Variants in PDZRN3 observed in about 807,000 individuals in gnomAD.
The protein encoded by PDZRN3 is E3 ubiquitin-protein ligase PDZRN3.
A neutral mutation model predicts 85.7 loss-of-function variants in PDZRN3; 38 were observed. That is an observed-to-expected ratio of 0.44 (90% CI 0.34 to 0.58). The LOEUF (loss-of-function observed/expected upper bound fraction) is 0.58. Among genes scored for constraint, PDZRN3 ranks in the 20% least tolerant of loss-of-function variants. PDZRN3 has a pLI of 0.01. For missense variants in PDZRN3, 1,629 were observed against 1,506.4 expected (o/e 1.08, Z -1.35); for synonymous variants, 759 against 638.0 (o/e 1.19, Z -2.86).
At chr3:73,513,224 G>A (rs1292597337) in intron 3 of PDZRN3, among the ~76,000 whole-genome samples, 2 of 152,170 alleles carry the variant, frequency 1.3e-5, no homozygotes, top group Non-Finnish European at 2.9e-5. Context: ...AGATTGCTAC[G>A]AGTGAGCTGC....
intron 3 of PDZRN3, among the ~76,000 whole-genome samples, chr3:73,421,142 A>G (rs1182608096): frequency 6.6e-6 from 1 of 152,202 alleles, no homozygotes; most frequent in African/African-American, 2.4e-5. Flanking sequence ...AAGAACCCAT[A>G]GATATGAAGT....
chr3:73,517,383 T>C (rs1257530464), intron 3 of PDZRN3, among the ~76,000 whole-genome samples: 1 of 152,232 alleles, frequency 6.6e-6, no homozygotes, highest in Non-Finnish European at 1.5e-5. Flanking sequence ...GCTGGTCATG[T>C]TTCTATGTGA....
chr3:73,443,517 G>C lies in PDZRN3; in HGVS notation c.919-39122C>G, dbSNP rs551038258. ...TTTTTTTGGGGGGGGGACAGCGCTT[G>C]CTTTGTCGCCCAGGCTGGAGTTCAG... On this transcript the variant is annotated intron_variant, in intron 3 of 9. Coordinates refer to ENST00000263666, the MANE Select transcript of PDZRN3 (RefSeq NM_015009.3). 4.6e-5 allele frequency among the ~76,000 whole-genome samples: 6 copies of C among 130,934 alleles called. No homozygotes were observed. In the South Asian group the frequency reaches 7.1e-4, roughly 16 times the overall value. The allele number at this position is 130,934 out of a possible 152,430, so 85.9% of individuals were successfully genotyped here. A position where few individuals can be genotyped will look rare whatever the true frequency, so the allele number is the denominator to read the frequency against.
chr3:73,468,607 A>G (rs1703271194), intron 3 of PDZRN3, among the ~76,000 whole-genome samples: 1 of 152,150 alleles, frequency 6.6e-6, no homozygotes, highest in Non-Finnish European at 1.5e-5. Flanking sequence ...AAGATCTCTT[A>G]TACACAAAAG....
chr3:73,558,011 T>C (rs936144952), intron 3 of PDZRN3, among the ~76,000 whole-genome samples: 9 of 152,298 alleles, frequency 5.9e-5, no homozygotes, highest in African/African-American at 2.2e-4. Context: ...CATATTTTCC[T>C]GTATTTTCTA....
intron 3 of PDZRN3, chr3:73,433,728 A>C (rs1273425700): frequency 1.3e-6 from 2 of 1,535,900 alleles, no homozygotes; most frequent in Non-Finnish European, 1.7e-6. Flanking sequence ...ACGTCAAAGG[A>C]AGGCTTCCGT....
chr3:73,467,051 C>T (rs570493511), intron 3 of PDZRN3, among the ~76,000 whole-genome samples: 1 of 152,158 alleles, frequency 6.6e-6, no homozygotes. Context: ...CAGTCATAAT[C>T]TAGGGACTGT....
chr3:73,552,855 T>A (rs1249756894), intron 3 of PDZRN3, among the ~76,000 whole-genome samples: 2 of 152,142 alleles, frequency 1.3e-5, no homozygotes, highest in Non-Finnish European at 2.9e-5. Flanking sequence ...AACAACACAG[T>A]CCTACCGAGC....
intron 3 of PDZRN3, among the ~76,000 whole-genome samples, chr3:73,435,503 A>T (rs550046755): frequency 6.6e-6 from 1 of 152,306 alleles, no homozygotes; most frequent in African/African-American, 2.4e-5. Context: ...GATGCTAATT[A>T]CCTTGCAGAG....
intron 4 of PDZRN3, among the ~76,000 whole-genome samples, chr3:73,401,338 G>A (rs991395305): frequency 6.6e-6 from 1 of 152,148 alleles, no homozygotes; most frequent in African/African-American, 2.4e-5. Flanking sequence ...CAGGAAACAG[G>A]ACAATATTTT....
At chr3:73,510,053 A>G (rs1034327104) in intron 3 of PDZRN3, among the ~76,000 whole-genome samples, 3 of 152,230 alleles carry the variant, frequency 2.0e-5, no homozygotes, top group African/African-American at 7.2e-5. Context: ...GTGGAGGAGG[A>G]GAGGCCCTCA....
chr3:73,394,799 A>G (rs1323688858), intron 5 of PDZRN3, among the ~76,000 whole-genome samples: 1 of 152,226 alleles, frequency 6.6e-6, no homozygotes, highest in African/African-American at 2.4e-5. Context: ...CACAGAGAAG[A>G]ATCTGGTTGC....
intron 3 of PDZRN3, among the ~76,000 whole-genome samples, chr3:73,547,544 G>C (rs4676932): frequency 0.74 from 112,095 of 152,154 alleles, 41,662 homozygotes; most frequent in African/African-American, 0.83. Flanking sequence ...CCTCCTCGAG[G>C]TTCTGGTCCA....
chr3:73,504,056 A>C (rs1704028734), intron 3 of PDZRN3, among the ~76,000 whole-genome samples: 1 of 152,150 alleles, frequency 6.6e-6, no homozygotes, highest in African/African-American at 2.4e-5. Context: ...TCACTTATTC[A>C]TATTTCTGCC....
intron 3 of PDZRN3, among the ~76,000 whole-genome samples, chr3:73,462,858 C>T (rs1703137595): frequency 6.6e-6 from 1 of 152,174 alleles, no homozygotes; most frequent in East Asian, 1.9e-4. Flanking sequence ...TATTGGCCCA[C>T]ACTTTTACAA....
chr3:73,495,500 G>C (rs1043105929), intron 3 of PDZRN3, among the ~76,000 whole-genome samples: 7 of 151,944 alleles, frequency 4.6e-5, no homozygotes, highest in Admixed American at 6.5e-5. Context: ...TTTTCCTCTG[G>C]ACAGCATGTC....
chr3:73,554,717 T>C (rs1397871281), intron 3 of PDZRN3, among the ~76,000 whole-genome samples: 1 of 152,194 alleles, frequency 6.6e-6, no homozygotes, highest in East Asian at 1.9e-4. Flanking sequence ...CCACACTCAC[T>C]GGCAGTGAAT....
chr3:73,438,705 T>C (rs942845863), intron 3 of PDZRN3, among the ~76,000 whole-genome samples: 6 of 152,238 alleles, frequency 3.9e-5, no homozygotes, highest in Non-Finnish European at 8.8e-5. Context: ...CTAACTTGTC[T>C]TCTTCCCGGG....
chr3:73,600,094 G>A (rs1042784656), intron 3 of PDZRN3, among the ~76,000 whole-genome samples: 2 of 152,210 alleles, frequency 1.3e-5, no homozygotes, highest in Admixed American at 6.5e-5. Context: ...GTGGGTAAGA[G>A]CCGCTGCTCT....
Sources: gnomAD v4.1 joint callset for allele counts (sites outside exome capture counted in the v4.1 genomes callset) on GRCh38, gnomAD v4.1.1 for gene constraint, MANE v1.5 for transcripts, NCBI Gene and HGNC (gene_info 2026-07-23, HGNC 2026-07-21) for gene names.